Variants in SHC4 observed in about 807,000 individuals in gnomAD.
The protein encoded by SHC4 is SHC-transforming protein 4.
In SHC4, 41 loss-of-function variants were observed where a neutral mutation model predicts 69.4. The observed-to-expected ratio is 0.59, with a 90% CI of 0.46 to 0.77. The LOEUF (loss-of-function observed/expected upper bound fraction) is 0.77, where lower values mean the gene tolerates loss of function less well. SHC4 is among the 30% of genes least tolerant of loss of function. The pLI is 0.00. For synonymous variants in SHC4, 318 were observed against 299.3 expected, an observed-to-expected ratio of 1.06 and a Z score of -0.64; for missense variants, 777 against 783.8, an observed-to-expected ratio of 0.99 and a Z score of 0.10.
intron 1 of SHC4, among the ~76,000 whole-genome samples, chr15:48,958,580 A>G (rs760143676): frequency 6.6e-6 from 1 of 152,220 alleles, no homozygotes; most frequent in Non-Finnish European, 1.5e-5. Flanking sequence ...AAGGAAACTA[A>G]CATTTTCAAC....
chr15:48,873,651 G>A lies in SHC4; in HGVS notation c.841-1509C>T, dbSNP rs577717933. ...CGCTACTCAGGAGTCTGAGGCAGGA[G>A]AATGGTGTGAACCCGGGAGGCGGAG... On this transcript the variant is annotated intron_variant, in intron 4 of 11. Transcript: ENST00000332408. Among the ~76,000 whole-genome samples, 70 of 152,236 alleles carry A rather than the reference G, an allele frequency of 4.6e-4. 1 individual carries two copies. Among genetic ancestry groups the A allele is most frequent in the Middle Eastern group, 6.8e-3 (2 of 294 alleles).
chr15:48,908,212 T>A (rs1595753043), intron 2 of SHC4, among the ~76,000 whole-genome samples: 1 of 152,200 alleles, frequency 6.6e-6, no homozygotes, highest in African/African-American at 2.4e-5. Context: ...CGCCAACATC[T>A]GTTTTTTGAT....
At chr15:48,883,984 G>T (rs1385013196) in intron 4 of SHC4, among the ~76,000 whole-genome samples, 3 of 152,140 alleles carry the variant, frequency 2.0e-5, no homozygotes, top group Non-Finnish European at 4.4e-5. Flanking sequence ...GTTGCTAAAT[G>T]ATATTTTCTA....
intron 11 of SHC4, among the ~76,000 whole-genome samples, chr15:48,832,779 G>C (rs764206861): frequency 6.6e-6 from 1 of 151,992 alleles, no homozygotes; most frequent in Non-Finnish European, 1.5e-5. Context: ...AATTTCAAAT[G>C]ACCTCTCTTT....
intron 11 of SHC4, among the ~76,000 whole-genome samples, chr15:48,827,445 G>A (rs1278485354): frequency 6.6e-6 from 1 of 152,082 alleles, no homozygotes; most frequent in East Asian, 1.9e-4. Context: ...CCTCAAAAAG[G>A]TTTTCAACTC....
chr15:48,858,880 T>G (rs1899382672), intron 6 of SHC4, among the ~76,000 whole-genome samples: 2 of 152,196 alleles, frequency 1.3e-5, no homozygotes, highest in South Asian at 4.1e-4. Context: ...TGTCAGCTAT[T>G]TTCTGAGAAA....
At chr15:48,921,463 T>G (rs1464257184) in intron 2 of SHC4, among the ~76,000 whole-genome samples, 1 of 151,912 alleles carries the variant, frequency 6.6e-6, no homozygotes, top group Non-Finnish European at 1.5e-5. Context: ...GCCTCCCAAG[T>G]AGCTGGGATT....
At chr15:48,843,651 T>A (rs1899034740) in intron 9 of SHC4, 63 bp from the exon 10 acceptor site, 1 of 1,466,764 alleles carries the variant, frequency 6.8e-7, no homozygotes, top group African/African-American at 1.4e-5. Flanking sequence ...AATAAAATCA[T>A]GTTTGAGTCT....
At chr15:48,861,262 C>T (rs1899434986) in intron 6 of SHC4, among the ~76,000 whole-genome samples, 2 of 152,302 alleles carry the variant, frequency 1.3e-5, no homozygotes, top group South Asian at 4.1e-4. Flanking sequence ...ACACACCCAG[C>T]TTGAGAAGAC....
At chr15:48,901,198 G>A (rs117097512) in intron 2 of SHC4, among the ~76,000 whole-genome samples, 310 of 152,304 alleles carry the variant, frequency 2.0e-3, no homozygotes, top group Non-Finnish European at 3.3e-3. Flanking sequence ...CAGGTAGCAG[G>A]TGGGATTTGG....
intron 6 of SHC4, among the ~76,000 whole-genome samples, chr15:48,860,611 TGAG>T (rs1446888183): frequency 2.0e-5 from 3 of 152,200 alleles, no homozygotes; most frequent in African/African-American, 7.2e-5. Context: ...TTCTTAGGAT[TGAG>T]GAGATGTTGA....
At chr15:48,862,125 G>A (rs1899457205) in intron 6 of SHC4, among the ~76,000 whole-genome samples, 1 of 151,590 alleles carries the variant, frequency 6.6e-6, no homozygotes, top group Non-Finnish European at 1.5e-5. Flanking sequence ...GACAGTCGTA[G>A]GCATACTTTA....
intron 3 of SHC4, among the ~76,000 whole-genome samples, chr15:48,884,932 G>A (rs146894974): frequency 7.4e-4 from 113 of 152,218 alleles, no homozygotes; most frequent in Middle Eastern, 3.4e-3. Flanking sequence ...TTAAACCATT[G>A]TTTTCAGAAG....
Position 48,843,591 on chromosome 15 carries a change from G to C in SHC4, c.1304-3C>G, listed in dbSNP as rs760994841. The stretch of plus-strand genomic sequence containing the variant: ...CACCCCTCTTGGATGGACATTACCT[G>C]TAGTGATTAGTAGTGATCAATACAT... On this transcript the variant is annotated splice_region_variant and splice_polypyrimidine_tract_variant and intron_variant, in intron 9 of 11. Coordinates refer to ENST00000332408, the MANE Select transcript of SHC4 (RefSeq NM_203349.4). 6.2e-7 allele frequency: 1 copy of C among 1,607,082 alleles called. No homozygotes were observed. Among genetic ancestry groups the C allele is most frequent in the Non-Finnish European group, 8.5e-7 (1 of 1,175,230 alleles).
intron 4 of SHC4, among the ~76,000 whole-genome samples, chr15:48,881,808 T>C (rs1899951345): frequency 6.6e-6 from 1 of 152,178 alleles, no homozygotes; most frequent in Non-Finnish European, 1.5e-5. Flanking sequence ...AAAAATGTAT[T>C]CCCATCCTGA....
intron 1 of SHC4, among the ~76,000 whole-genome samples, chr15:48,934,909 A>G (rs145885192): frequency 3.2e-4 from 48 of 152,314 alleles, no homozygotes; most frequent in Non-Finnish European, 6.0e-4. Flanking sequence ...TAGAGCTAGA[A>G]AGTAGGGCTA....
chr15:48,927,593 C>T (rs751257112), intron 1 of SHC4, among the ~76,000 whole-genome samples: 5 of 152,134 alleles, frequency 3.3e-5, no homozygotes, highest in South Asian at 4.1e-4. Flanking sequence ...TTACTATAAA[C>T]CCCTAGACCC....
chr15:48,832,721 C>A (rs1898828963), intron 11 of SHC4, among the ~76,000 whole-genome samples: 1 of 152,076 alleles, frequency 6.6e-6, no homozygotes, highest in Non-Finnish European at 1.5e-5. Flanking sequence ...CTTAGGCTTT[C>A]TTCACTTTTT....
intron 2 of SHC4, among the ~76,000 whole-genome samples, chr15:48,911,328 G>A (rs1900504452): frequency 6.6e-6 from 1 of 152,044 alleles, no homozygotes; most frequent in Admixed American, 6.6e-5. Flanking sequence ...GTCCCTCATT[G>A]TCTCTTTTAC....
Sources: allele counts gnomAD v4.1 joint callset (sites outside exome capture counted in the v4.1 genomes callset), GRCh38; gene constraint gnomAD v4.1.1; transcripts MANE v1.5; gene names NCBI Gene and HGNC (gene_info 2026-07-23, HGNC 2026-07-21).